Variants in RAPGEF5 observed in about 807,000 individuals in gnomAD.
RAPGEF5 encodes the protein M-Ras-regulated GEF.
RAPGEF5 carries 65 observed loss-of-function variants against 125.2 expected under a neutral mutation model. The ratio of observed to expected loss-of-function variants is 0.52; its 90% confidence interval spans 0.43 to 0.64. The LOEUF is 0.64. Ranked by LOEUF, RAPGEF5 falls within the 30% of genes least tolerant of loss-of-function variation. The pLI is 0.00. For synonymous variants in RAPGEF5, 391 were observed against 385.9 expected (o/e 1.01, Z -0.16); for missense variants, 958 against 1,048.1 (o/e 0.91, Z 1.19).
At position 22,122,498 on chromosome 7, in the gene RAPGEF5, G is replaced by T. The variant is rs367766016; in HGVS notation, c.2560C>A (p.Gln854Lys). The T allele has an allele frequency of 1.2e-6, 2 of 1,613,636 alleles. No homozygotes were observed. The highest frequency in any genetic ancestry group is 8.5e-7 in the Non-Finnish European group (1 of 1,179,712). Residue 854 changes from glutamine to lysine, a missense_variant, in exon 26 of 26, where the codon CAA (glutamine) becomes AAA (lysine). Coordinates refer to ENST00000665637, the MANE Select transcript of RAPGEF5 (RefSeq NM_012294.5). ...QFGDLSPKEHQELKSYVNHLY... is the reference protein window; with the variant it reads ...QFGDLSPKEHKELKSYVNHLY... ...TGATTAACATAGGACTTTAACTCTT[G>T]ATGCTCTTTTGGAGACAGGTCACCT...
rs1004546643 is a variant in RAPGEF5, at chr7:22,291,654, G to T, written c.681-413C>A. Among the ~76,000 whole-genome samples the T allele has an allele frequency of 3.3e-5, 5 of 152,172 alleles. 1 individual carries two copies. The highest frequency in any genetic ancestry group is 2.0e-4 in the Admixed American group (3 of 15,282). ...GAAATGTGAACTTTCCACTGAAATT[G>T]AGTTTTAGCCAAAACAAACTTACTA... is the stretch of plus-strand genomic sequence containing the variant. On this transcript the variant is annotated intron_variant, in intron 5 of 25. Transcript: ENST00000665637.
chr7:22,331,045 T>A (rs909769300), intron 1 of RAPGEF5, among the ~76,000 whole-genome samples: 3 of 152,010 alleles, frequency 2.0e-5, no homozygotes, highest in Non-Finnish European at 4.4e-5. Flanking sequence ...TCCACCACAT[T>A]CCCTCCTGAG....
At chr7:22,277,147 TA>T (rs1782575753) in intron 6 of RAPGEF5, among the ~76,000 whole-genome samples, 1 of 152,220 alleles carries the variant, frequency 6.6e-6, no homozygotes, top group African/African-American at 2.4e-5. Context: ...GACTTTACTT[TA>T]AAAATGAACT....
intron 17 of RAPGEF5, among the ~76,000 whole-genome samples, chr7:22,153,997 A>G (rs1489209607): frequency 1.3e-5 from 2 of 152,214 alleles, no homozygotes; most frequent in East Asian, 3.9e-4. Flanking sequence ...CACCTAAAGG[A>G]ATATTGCCGT....
chr7:22,341,160 G>A (rs914302527), intron 1 of RAPGEF5, among the ~76,000 whole-genome samples: 1 of 152,170 alleles, frequency 6.6e-6, no homozygotes, highest in South Asian at 2.1e-4. Context: ...CCATGTGGCT[G>A]GGGAGGCCTC....
chr7:22,220,885 T>C (rs1027089291), intron 8 of RAPGEF5, among the ~76,000 whole-genome samples: 1 of 152,144 alleles, frequency 6.6e-6, no homozygotes, highest in African/African-American at 2.4e-5. Flanking sequence ...CAACATAACC[T>C]ACAGGATTTG....
chr7:22,356,771 G>A, intron 1 of RAPGEF5, 59 bp downstream of exon 1: 1 of 972,684 alleles, frequency 1.0e-6, no homozygotes, highest in Non-Finnish European at 1.3e-6. Flanking sequence ...CCCGGGGGGT[G>A]GGCGCGGGCT....
At chr7:22,197,663 G>T (rs969034683) in intron 9 of RAPGEF5, among the ~76,000 whole-genome samples, 1 of 152,018 alleles carries the variant, frequency 6.6e-6, no homozygotes, top group Non-Finnish European at 1.5e-5. Flanking sequence ...GCACTCTCAG[G>T]AGCACTTACT....
At chr7:22,223,317 G>T (rs1025262129) in intron 8 of RAPGEF5, among the ~76,000 whole-genome samples, 1 of 152,182 alleles carries the variant, frequency 6.6e-6, no homozygotes, top group Non-Finnish European at 1.5e-5. Context: ...AACAAGATGG[G>T]CTCAAAATAA....
At chr7:22,238,254 G>A (rs1786241923) in intron 7 of RAPGEF5, among the ~76,000 whole-genome samples, 1 of 152,082 alleles carries the variant, frequency 6.6e-6, no homozygotes, top group Non-Finnish European at 1.5e-5. Context: ...TTAATAAAAG[G>A]TGAATACCAT....
At chr7:22,146,852 C>G in intron 19 of RAPGEF5, 45 bp downstream of exon 19, 1 of 1,584,516 alleles carries the variant, frequency 6.3e-7, no homozygotes, top group East Asian at 2.3e-5. Context: ...AAAGAATTCA[C>G]AGTTAAAACA....
intron 9 of RAPGEF5, among the ~76,000 whole-genome samples, chr7:22,217,721 T>C (rs1245274879): frequency 6.6e-6 from 1 of 152,160 alleles, no homozygotes; most frequent in Non-Finnish European, 1.5e-5. Flanking sequence ...ATAGAAAAAG[T>C]CATAATTCCA....
At chr7:22,140,387 C>T (rs1037710382) in intron 20 of RAPGEF5, among the ~76,000 whole-genome samples, 1 of 152,160 alleles carries the variant, frequency 6.6e-6, no homozygotes, top group Non-Finnish European at 1.5e-5. Flanking sequence ...ATGTTGTGTG[C>T]ATTTACAATT....
intron 7 of RAPGEF5, among the ~76,000 whole-genome samples, chr7:22,243,862 G>A (rs1415776255): frequency 6.6e-6 from 1 of 152,038 alleles, no homozygotes; most frequent in Non-Finnish European, 1.5e-5. Flanking sequence ...CTGTGCAATC[G>A]ATATGGAAAA....
intron 12 of RAPGEF5, among the ~76,000 whole-genome samples, chr7:22,163,443 C>T (rs977729572): frequency 3.9e-5 from 6 of 152,152 alleles, no homozygotes; most frequent in South Asian, 2.1e-4. Context: ...TATGTTAGGA[C>T]GATCTACTTC....
At chr7:22,145,869 C>G (rs1264218987) in intron 19 of RAPGEF5, among the ~76,000 whole-genome samples, 1 of 152,078 alleles carries the variant, frequency 6.6e-6, no homozygotes, top group Non-Finnish European at 1.5e-5. Context: ...AGGGCAAGGT[C>G]TGATAATTTA....
chr7:22,343,028 T>C (rs886698228), intron 1 of RAPGEF5, among the ~76,000 whole-genome samples: 14 of 152,226 alleles, frequency 9.2e-5, no homozygotes, highest in African/African-American at 3.4e-4. Flanking sequence ...TCCGTTTTCA[T>C]GCTGCTGATA....
At chr7:22,335,132 G>T (rs1282177752) in intron 1 of RAPGEF5, among the ~76,000 whole-genome samples, 1 of 152,196 alleles carries the variant, frequency 6.6e-6, no homozygotes, top group Admixed American at 6.5e-5. Context: ...ATAGGCAGGG[G>T]CATGCATGTT....
chr7:22,218,564 T>C (rs1366201175), intron 9 of RAPGEF5, among the ~76,000 whole-genome samples: 1 of 152,160 alleles, frequency 6.6e-6, no homozygotes, highest in African/African-American at 2.4e-5. Context: ...CAATAAAATA[T>C]GGCATATGAA....
Sources: gnomAD v4.1 joint callset for allele counts (sites outside exome capture counted in the v4.1 genomes callset) on GRCh38, gnomAD v4.1.1 for gene constraint, MANE v1.5 for transcripts, NCBI Gene and HGNC (gene_info 2026-07-23, HGNC 2026-07-21) for gene names.